The following TECTA variants were observed in gnomAD, a reference collection of about 807,000 sequenced individuals.
The protein encoded by TECTA is tectorin alpha.
TECTA carries 128 observed loss-of-function variants against 216.8 expected under a neutral mutation model. The ratio of observed to expected loss-of-function variants is 0.59; its 90% CI spans 0.51 to 0.68. TECTA has a LOEUF of 0.68. Ranked by LOEUF, TECTA falls within the 30% of genes least tolerant of loss-of-function variation. The pLI is 0.00. For missense variants in TECTA, 2,551 were observed against 2,786.2 expected (o/e 0.92, Z 1.90); for synonymous variants, 1,089 against 1,117.1 (o/e 0.97, Z 0.50).
At chr11:121,108,786 A>G (rs572232836) in intron 3 of TECTA, among the ~76,000 whole-genome samples, 38 of 150,230 alleles carry the variant, frequency 2.5e-4, no homozygotes, top group African/African-American at 9.1e-4. Flanking sequence ...CAGAACACAC[A>G]CACCCATACT....
intron 18 of TECTA, among the ~76,000 whole-genome samples, chr11:121,167,583 T>C (rs537102032): frequency 1.3e-5 from 2 of 152,256 alleles, no homozygotes; most frequent in Non-Finnish European, 2.9e-5. Context: ...TTCATGGCTC[T>C]ATTCCTTAAA....
chr11:121,157,926 G>C lies in TECTA; in HGVS notation c.4391G>C (p.Cys1464Ser). ...GTGATTCAGTGCGACCCGCGCCAAT[G>C]CAAGTCAGACGAGGAGTGTGCGCTG... ...RNVIQCDPRQCKSDEECALRN... is the reference protein window; with the variant it reads ...RNVIQCDPRQSKSDEECALRN... Residue 1464 changes from cysteine (C) to serine (S), a missense_variant, in exon 14 of 24, where the codon TGC becomes TCC. Coordinates refer to ENST00000392793, the MANE Select transcript of TECTA (RefSeq NM_005422.4). 1 of 1,614,174 alleles carries C rather than the reference G, an allele frequency of 6.2e-7. No homozygotes were observed. Among genetic ancestry groups the C allele is most frequent in the Non-Finnish European group, 8.5e-7 (1 of 1,180,044 alleles).
chr11:121,120,077 G>T (rs542473493), intron 7 of TECTA, among the ~76,000 whole-genome samples: 2 of 152,130 alleles, frequency 1.3e-5, no homozygotes, highest in Admixed American at 1.3e-4. Context: ...GGGATGATGT[G>T]TATATCAGTA....
intron 20 of TECTA, among the ~76,000 whole-genome samples, chr11:121,176,786 A>T (rs1216863587): frequency 6.6e-6 from 1 of 151,812 alleles, no homozygotes. Flanking sequence ...ACTTGGTTCC[A>T]TTCTCCCCAT....
chr11:121,166,427 G>T, intron 17 of TECTA, 151 bp from the exon 18 acceptor site: 1 of 774,328 alleles, frequency 1.3e-6, no homozygotes, highest in Non-Finnish European at 2.2e-6. Flanking sequence ...ATGCTCATTT[G>T]GTTTGATCAA....
rs773877361 is a variant in TECTA, at chr11:121,113,596, C to A, written c.668C>A (p.Pro223Gln). ...AACCTCACCAATTTCTTCAGCCTCC[C>A]GGGGTCAAGAACCCCCGAGATCGTG... is the stretch of plus-strand genomic sequence containing the variant. ...GGNLTNFFSL[P>Q]GSRTPEIVNI... The change falls in exon 6 of 24, where the codon CCG (proline) becomes CAG (glutamine). Residue 223 changes from proline to glutamine, a missense_variant. By Grantham distance (76) the Pro-to-Gln change is moderately conservative. This residue lies in a region of TECTA where 2,375 missense variants were observed against 2,563.9 expected (regional missense o/e 0.93). Transcript: ENST00000392793. The surrounding 1 kb of genome is among the most constrained non-coding windows in gnomAD (Gnocchi z 4.2). 11 of 1,613,736 alleles carry A rather than the reference C, an allele frequency of 6.8e-6. No individual in the cohort carries two copies. In the African/African-American group the frequency reaches 1.2e-4, roughly 18 times the overall value.
rs1947081898 is a variant in TECTA, at chr11:121,168,780, G to A, written c.5854G>A (p.Val1952Met). 2 of 1,614,218 alleles carry A rather than the reference G, an allele frequency of 1.2e-6. No individual in the cohort carries two copies. The highest frequency in any genetic ancestry group is 1.6e-4 in the Middle Eastern group (1 of 6,062). The change falls in exon 20 of 24, where the codon GTG (valine) becomes ATG (methionine). Residue 1952 changes from valine (V) to methionine (M), a missense_variant. Val to Met is a conservative substitution (Grantham distance 21). Around this residue, in one of 3 missense-constraint regions of TECTA, gnomAD observed 2,375 missense variants for 2,563.9 expected, o/e 0.93. Transcript: ENST00000392793. ...YKHPYRQGEV[V>M]LTTRDVLYVG... is the part of the protein sequence containing the mutation. ...ACATCCTTACCGCCAGGGTGAAGTAGTGTTGACGACTCGAGATGTGCTGTA... is the reference window on the plus strand; with the variant it reads ...ACATCCTTACCGCCAGGGTGAAGTAATGTTGACGACTCGAGATGTGCTGTA...
chr11:121,146,403 G>A (rs1048487989), intron 12 of TECTA: 12 of 478,410 alleles, frequency 2.5e-5, no homozygotes, highest in African/African-American at 6.8e-5. Flanking sequence ...GCACTTGGAC[G>A]CACAAAGTTC....
chr11:121,110,392 T>TG (rs1429208521), intron 4 of TECTA: 1 of 151,956 alleles, frequency 6.6e-6, no homozygotes, highest in Non-Finnish European at 1.5e-5. Context: ...TGTGGAGGGG[T>TG]GGAACAAAAA....
At chr11:121,152,422 TC>T (rs1021710155) in intron 12 of TECTA, among the ~76,000 whole-genome samples, 8 of 152,340 alleles carry the variant, frequency 5.3e-5, no homozygotes, top group Non-Finnish European at 1.2e-4. Flanking sequence ...AAGGTGGGAC[TC>T]CCACTGGCAC....
chr11:121,156,460 C>T (rs532241568), intron 13 of TECTA, among the ~76,000 whole-genome samples: 55 of 152,248 alleles, frequency 3.6e-4, no homozygotes, highest in South Asian at 2.1e-3. Context: ...TCTCCTGCCT[C>T]AGCCTACCGA....
At chr11:121,121,783 G>A (rs1380924025) in intron 7 of TECTA, among the ~76,000 whole-genome samples, 1 of 152,152 alleles carries the variant, frequency 6.6e-6, no homozygotes, top group Non-Finnish European at 1.5e-5. Context: ...TCCCTTGCTA[G>A]CAGGAGCTTA....
chr11:121,112,167 G>A (rs918743868), intron 4 of TECTA, among the ~76,000 whole-genome samples: 2 of 152,188 alleles, frequency 1.3e-5, no homozygotes, highest in African/African-American at 4.8e-5. Context: ...TTAGCAAGAG[G>A]AAAATATAAA....
chr11:121,179,587 T>G (rs1947204709), intron 20 of TECTA, among the ~76,000 whole-genome samples: 2 of 152,150 alleles, frequency 1.3e-5, no homozygotes, highest in Non-Finnish European at 2.9e-5. Flanking sequence ...TTTTTTTTGT[T>G]GATTTTCTTT....
chr11:121,102,463 A>G (rs1011005652), intron 1 of TECTA, among the ~76,000 whole-genome samples: 4 of 152,146 alleles, frequency 2.6e-5, no homozygotes, highest in Non-Finnish European at 5.9e-5. Context: ...CTGGGCATCT[A>G]ATTTGTTCAT....
In TECTA at chr11:121,153,013, T is replaced by TC; in HGVS notation, c.4240dup (p.Leu1414ProfsTer137). The TC allele has an allele frequency of 6.2e-7, 1 of 1,614,202 alleles. No individual in the cohort carries two copies. Among genetic ancestry groups the TC allele is most frequent in the Non-Finnish European group, 8.5e-7 (1 of 1,180,024 alleles). The stretch of plus-strand genomic sequence containing the variant: ...GGCTGTCACTGCGACGCTGGCTACG[T>TC]CCTCAACGGCAAGAGCTGCATCCTG... On this transcript the variant is annotated frameshift_variant, in exon 13 of 24. Coordinates refer to ENST00000392793, the MANE Select transcript of TECTA (RefSeq NM_005422.4). LOFTEE classifies it high-confidence loss of function.
chr11:121,162,347 A>G lies in TECTA; in HGVS notation c.5249A>G (p.Glu1750Gly). The G allele has an allele frequency of 6.2e-7, 1 of 1,613,496 alleles. No individual in the cohort carries two copies. Among genetic ancestry groups the G allele is most frequent in the Non-Finnish European group, 8.5e-7 (1 of 1,180,048 alleles). Residue 1750 changes from glutamate to glycine, a missense_variant, in exon 16 of 24, where the codon GAG becomes GGG. Physicochemically the swap from Glu to Gly is moderately conservative, Grantham distance 98. This residue lies in a region of TECTA where 2,375 missense variants were observed against 2,563.9 expected (regional missense o/e 0.93). Coordinates refer to ENST00000392793, the MANE Select transcript of TECTA (RefSeq NM_005422.4). ...CGCTCCTTCGGGATCCTTAGCACCG[A>G]GTGGATTGAGAAGGAGAATTGCTGT... ...ACRSFGILSTEWIEKENCSGV... is the reference protein window; with the variant it reads ...ACRSFGILSTGWIEKENCSGV...
rs141474342 is a variant in TECTA, at chr11:121,106,892, C to A, written c.198+928C>A. 4.4e-3 allele frequency among the ~76,000 whole-genome samples: 673 copies of A among 152,308 alleles called. 6 individuals are homozygous for A. The highest frequency in any genetic ancestry group is 0.015 in the African/African-American group (628 of 41,578). ...CAATGTCATTTCTCAGGTCCCACCC[C>A]ACACCTACTGAGTCAGAAACTCTGG... On this transcript the variant is annotated intron_variant, in intron 3 of 23. Transcript: ENST00000392793.
intron 1 of TECTA, among the ~76,000 whole-genome samples, chr11:121,101,987 T>C (rs1255847021): frequency 2.6e-5 from 4 of 152,250 alleles, no homozygotes; most frequent in African/African-American, 9.6e-5. Context: ...AATTGGTTGC[T>C]TGTGCGCTGG....
Sources: gnomAD v4.1 joint callset for allele counts (sites outside exome capture counted in the v4.1 genomes callset) on GRCh38, gnomAD v4.1.1 for gene constraint, gnomAD v4.1.1 regional missense constraint, Gnocchi (gnomAD v3.1) non-coding constraint, MANE v1.5 for transcripts, NCBI Gene and HGNC (gene_info 2026-07-23, HGNC 2026-07-21) for gene names.